Variants in SPTLC2 observed in about 807,000 individuals in gnomAD.
SPTLC2 encodes the protein serine palmitoyltransferase 2.
A neutral mutation model predicts 62.0 loss-of-function variants in SPTLC2; 21 were observed. The observed-to-expected ratio is 0.34, with a 90% CI of 0.24 to 0.49. The LOEUF is 0.49. Ranked by LOEUF, SPTLC2 falls within the 20% of genes least tolerant of loss-of-function variation. SPTLC2 has a pLI of 0.99. For synonymous variants in SPTLC2, 261 were observed against 261.8 expected, an observed-to-expected ratio of 1.00 and a Z score of 0.03; for missense variants, 511 against 713.0, an observed-to-expected ratio of 0.72 and a Z score of 3.23.
At chr14:77,518,575 C>A (rs2079370369) in intron 10 of SPTLC2, among the ~76,000 whole-genome samples, 1 of 133,966 alleles carries the variant, frequency 7.5e-6, no homozygotes, top group Non-Finnish European at 1.6e-5. Flanking sequence ...CCAGCCTGAG[C>A]AACAGAGCAA....
chr14:77,586,185 C>T (rs965368602), intron 2 of SPTLC2, among the ~76,000 whole-genome samples: 3 of 150,920 alleles, frequency 2.0e-5, no homozygotes, highest in African/African-American at 7.3e-5. Flanking sequence ...AAGCAATTCT[C>T]GTACCTCAGC....
intron 4 of SPTLC2, among the ~76,000 whole-genome samples, chr14:77,574,528 C>G (rs1397982231): frequency 6.6e-6 from 1 of 152,128 alleles, no homozygotes; most frequent in Non-Finnish European, 1.5e-5. Flanking sequence ...ATATATCATA[C>G]AAAAACTTGT....
In SPTLC2 at chr14:77,597,339, C is replaced by T. The variant is rs373828710; in HGVS notation, c.174G>A (p.Pro58=). Residue 58 remains proline (P), a synonymous_variant, in exon 2 of 12, where the codon CCG becomes CCA. Transcript: ENST00000216484. Reference sequence around the variant, plus strand: ...GTGTTTCTTCAAAAGCTTCATTAAACGGTCTTTTATATAGTCCTCCATTTT... The same window carrying T: ...GTGTTTCTTCAAAAGCTTCATTAAATGGTCTTTTATATAGTCCTCCATTTT... ...VTQNGGLYKR[P]FNEAFEETPM... 113 of 1,614,186 alleles carry T rather than the reference C, an allele frequency of 7.0e-5. No individual in the cohort carries two copies. The East Asian group carries it at 1.0e-3, about 15-fold the overall frequency.
intron 9 of SPTLC2, among the ~76,000 whole-genome samples, chr14:77,532,163 T>A (rs541507524): frequency 8.5e-5 from 13 of 152,134 alleles, no homozygotes; most frequent in African/African-American, 2.9e-4. Flanking sequence ...AATACTGAAA[T>A]TTTTGGTGCT....
At chr14:77,600,959 T>A (rs532976742) in intron 1 of SPTLC2, among the ~76,000 whole-genome samples, 37 of 152,032 alleles carry the variant, frequency 2.4e-4, no homozygotes, top group Non-Finnish European at 3.7e-4. Context: ...AAAGCAATAA[T>A]GGGAAAGTAT....
chr14:77,603,522 T>G (rs1002393933), intron 1 of SPTLC2, among the ~76,000 whole-genome samples: 1 of 152,234 alleles, frequency 6.6e-6, no homozygotes, highest in African/African-American at 2.4e-5. Context: ...GTGCTCTGAA[T>G]GTGTATGTCC....
chr14:77,610,838 C>A (rs979817901), intron 1 of SPTLC2, among the ~76,000 whole-genome samples: 1 of 151,750 alleles, frequency 6.6e-6, no homozygotes, highest in Non-Finnish European at 1.5e-5. Flanking sequence ...TTGTACCCAA[C>A]AGTTTGAGAT....
rs535278568 is a variant in SPTLC2 at position 77,550,426 on chromosome 14, T to A, written c.1303+1670A>T. Among the ~76,000 whole-genome samples the A allele has an allele frequency of 2.8e-4, 42 of 152,170 alleles. 1 individual carries two copies. The highest frequency in any genetic ancestry group is 9.9e-4 in the African/African-American group (41 of 41,522). ...CCGGTCTCTACTAAACATACAAAAT[T>A]AGCCGGGTGTGGTGGCGCATGCCTG... On this transcript the variant is annotated intron_variant, in intron 9 of 11. Coordinates refer to ENST00000216484, the MANE Select transcript of SPTLC2 (RefSeq NM_004863.4).
chr14:77,519,822 C>T (rs979219642), intron 10 of SPTLC2, among the ~76,000 whole-genome samples: 3 of 152,180 alleles, frequency 2.0e-5, no homozygotes. Flanking sequence ...CCTGGGTGCC[C>T]TGTATCTTCA....
At chr14:77,604,837 G>A (rs1486963760) in intron 1 of SPTLC2, among the ~76,000 whole-genome samples, 1 of 135,676 alleles carries the variant, frequency 7.4e-6, no homozygotes, top group Non-Finnish European at 1.6e-5. Flanking sequence ...ACCACATTCC[G>A]GCCTGGGCAA....
At chr14:77,613,383 C>T (rs932742519) in intron 1 of SPTLC2, among the ~76,000 whole-genome samples, 3 of 152,234 alleles carry the variant, frequency 2.0e-5, no homozygotes, top group Non-Finnish European at 4.4e-5. Flanking sequence ...AAGGTTTGTG[C>T]TCCTCCCACT....
intron 10 of SPTLC2, among the ~76,000 whole-genome samples, chr14:77,521,010 C>A (rs552568631): frequency 6.6e-6 from 1 of 152,226 alleles, no homozygotes; most frequent in African/African-American, 2.4e-5. Flanking sequence ...GCTTCCTTAC[C>A]CTGACCACCC....
chr14:77,599,032 A>G lies in SPTLC2; in HGVS notation c.133-1652T>C, dbSNP rs539653563. Among the ~76,000 whole-genome samples the G allele has an allele frequency of 1.0e-3, 158 of 152,300 alleles. 1 individual carries two copies. The highest frequency in any genetic ancestry group is 3.6e-3 in the African/African-American group (149 of 41,562). On this transcript the variant is annotated intron_variant, in intron 1 of 11. Coordinates refer to ENST00000216484, the MANE Select transcript of SPTLC2 (RefSeq NM_004863.4). ...GACATGAATTTTTCTGTCCCCCTTC[A>G]TCTTAAGTATTCATTCCCAAACATC...
intron 9 of SPTLC2, among the ~76,000 whole-genome samples, chr14:77,531,458 C>T (rs1435089788): frequency 3.1e-3 from 361 of 116,082 alleles, no homozygotes; most frequent in Middle Eastern, 0.014. Flanking sequence ...TCCTTCTCCT[C>T]CTCCTCCTCC....
intron 9 of SPTLC2, among the ~76,000 whole-genome samples, chr14:77,536,245 T>C (rs1484852740): frequency 1.3e-5 from 2 of 151,886 alleles, no homozygotes; most frequent in East Asian, 3.9e-4. Context: ...ACTGGATGTA[T>C]GTAATGCCAC....
intron 9 of SPTLC2, among the ~76,000 whole-genome samples, chr14:77,529,608 A>ATTTC (rs750719614): frequency 0.01 from 1,259 of 120,850 alleles, 296 homozygotes; most frequent in East Asian, 0.046. Context: ...TAGGAAAGCA[A>ATTTC]TTTCTTTCTT....
chr14:77,538,766 T>C (rs1260361982), intron 9 of SPTLC2, among the ~76,000 whole-genome samples: 1 of 152,138 alleles, frequency 6.6e-6, no homozygotes, highest in Non-Finnish European at 1.5e-5. Flanking sequence ...AGATGGGGTT[T>C]CGCCATGTTG....
At chr14:77,611,542 C>T (rs957717516) in intron 1 of SPTLC2, among the ~76,000 whole-genome samples, 2 of 151,754 alleles carry the variant, frequency 1.3e-5, no homozygotes, top group African/African-American at 4.8e-5. Flanking sequence ...AAACAAACCT[C>T]CGGCTAGGCG....
intron 2 of SPTLC2, among the ~76,000 whole-genome samples, chr14:77,583,302 GA>G (rs1381554058): frequency 6.6e-6 from 1 of 151,864 alleles, no homozygotes; most frequent in African/African-American, 2.4e-5. Flanking sequence ...GCTTAGCCAT[GA>G]AAAAAAGGAG....
Sources: gnomAD v4.1 joint callset for allele counts (sites outside exome capture counted in the v4.1 genomes callset) on GRCh38, gnomAD v4.1.1 for gene constraint, MANE v1.5 for transcripts, NCBI Gene and HGNC (gene_info 2026-07-23, HGNC 2026-07-21) for gene names.